The following FBN2 variants were observed in gnomAD, a reference collection of about 807,000 sequenced individuals.
FBN2 encodes fibrillin-2.
FBN2 carries 105 observed loss-of-function variants against 355.6 expected under a neutral mutation model. The ratio of observed to expected loss-of-function variants is 0.30; its 90% CI spans 0.25 to 0.35. FBN2 has a LOEUF of 0.35. Among genes scored for constraint, FBN2 ranks in the 10% least tolerant of loss-of-function variants. The probability of loss-of-function intolerance (pLI) is 1.00; values close to 1 mark genes in which losing one functional copy is unlikely to be tolerated. For synonymous variants in FBN2, 1,350 were observed against 1,301.2 expected (o/e 1.04, Z -0.81); for missense variants, 3,280 against 3,758.7 (o/e 0.87, Z 3.33).
chr5:128,308,441 T>C (rs1238524046), intron 41 of FBN2, among the ~76,000 whole-genome samples: 2 of 152,298 alleles, frequency 1.3e-5, no homozygotes, highest in East Asian at 3.9e-4. Flanking sequence ...CTCTCCTTAA[T>C]TTCATCAATA....
In FBN2 at chr5:128,305,617, A is replaced by T. The variant is rs1201284691; in HGVS notation, c.5568T>A (p.Asn1856Lys). 3.1e-6 allele frequency: 5 copies of T among 1,613,912 alleles called. No homozygotes were observed. The highest frequency in any genetic ancestry group is 4.2e-6 in the Non-Finnish European group (5 of 1,179,944). Residue 1856 changes from asparagine to lysine, a missense_variant, in exon 44 of 65, where the codon AAT becomes AAA. Physicochemically the swap from Asn to Lys is moderately conservative, Grantham distance 94. This residue lies in a region of FBN2 where 2,284 missense variants were observed against 2,749.5 expected (regional missense o/e 0.83). Transcript: ENST00000262464. ...LVCEDIDECS[N>K]GDNLCQRNAD... ...CATTCCGCTGGCAGAGATTATCACC[A>T]TTGCTGCACTCATCTATATCTGAAA...
In FBN2 at chr5:128,377,550, CAA is replaced by C. The variant is rs35072875; in HGVS notation, c.1849+200_1849+201del. Among the ~76,000 whole-genome samples, 180 of 143,288 alleles carry C rather than the reference CAA, an allele frequency of 1.3e-3. 3 individuals are homozygous for C. Among genetic ancestry groups the C allele is most frequent in the East Asian group, 5.7e-3 (29 of 5,046 alleles). 94.0% of individuals were successfully genotyped at this position (143,288 alleles called of 152,430 possible). On this transcript the variant is annotated intron_variant, in intron 13 of 64. Coordinates refer to ENST00000262464, the MANE Select transcript of FBN2 (RefSeq NM_001999.4). ...TATAACATCTCCTCCCCTCCACCAC[CAA>C]AAAAAAAAAACCAAAAAACAAACAA...
chr5:128,474,035 C>T (rs754507701), intron 5 of FBN2, among the ~76,000 whole-genome samples: 7 of 152,104 alleles, frequency 4.6e-5, no homozygotes, highest in Admixed American at 1.3e-4. Context: ...GAGGCCGTAA[C>T]GATAATTAGG....
intron 5 of FBN2, among the ~76,000 whole-genome samples, chr5:128,478,725 A>G (rs572630291): frequency 1.6e-4 from 24 of 152,304 alleles, no homozygotes; most frequent in African/African-American, 5.5e-4. Context: ...TATCAGTTCT[A>G]CAGAACACTA....
At chr5:128,288,591 T>A (rs760727229) in intron 52 of FBN2, 34 bp from the exon 53 acceptor site, 2 of 1,609,806 alleles carry the variant, frequency 1.2e-6, no homozygotes, top group Admixed American at 1.7e-5. Flanking sequence ...GCCACAAAGA[T>A]GTTTTAGTTT....
At position 128,408,743 on chromosome 5, in the gene FBN2, T is replaced by C; in HGVS notation, c.1009A>G (p.Thr337Ala). Residue 337 changes from threonine to alanine, a missense_variant, in exon 8 of 65, where the codon ACC becomes GCC. Transcript: ENST00000262464. Reference sequence around the variant, plus strand: ...CAAACACAAAAATAGCTTCCCACGGTGTTGGAACATTCACCAGTTTCACAT... The same window carrying C: ...CAAACACAAAAATAGCTTCCCACGGCGTTGGAACATTCACCAGTTTCACAT... ...GICETGECSN[T>A]VGSYFCVCPR... 1 of 1,613,840 alleles carries C rather than the reference T, an allele frequency of 6.2e-7. No homozygotes were observed. Among genetic ancestry groups the C allele is most frequent in the African/African-American group, 1.3e-5 (1 of 75,038 alleles).
intron 28 of FBN2, 114 bp downstream of exon 28, chr5:128,335,874 A>C: frequency 1.8e-6 from 2 of 1,122,526 alleles, no homozygotes; most frequent in Non-Finnish European, 1.3e-6. Flanking sequence ...CCCTAGTCTT[A>C]CATTCATTTT....
intron 2 of FBN2, among the ~76,000 whole-genome samples, 155 bp downstream of exon 2, chr5:128,536,247 C>T (rs1000293272): frequency 2.0e-5 from 3 of 152,162 alleles, no homozygotes; most frequent in Non-Finnish European, 4.4e-5. Context: ...TTGAGTCTTC[C>T]CCACTATTCA....
intron 36 of FBN2, among the ~76,000 whole-genome samples, chr5:128,315,950 T>C (rs998645617): frequency 6.6e-6 from 1 of 152,212 alleles, no homozygotes; most frequent in African/African-American, 2.4e-5. Flanking sequence ...GATGATTCAC[T>C]TCACCATCAC....
At chr5:128,397,831 C>T (rs916967025) in intron 8 of FBN2, among the ~76,000 whole-genome samples, 1 of 152,096 alleles carries the variant, frequency 6.6e-6, no homozygotes, top group African/African-American at 2.4e-5. Flanking sequence ...GATAGTTTCA[C>T]AGTGCCCGGG....
At chr5:128,276,927 C>T (rs2126807909) in intron 58 of FBN2, among the ~76,000 whole-genome samples, 1 of 152,288 alleles carries the variant, frequency 6.6e-6, no homozygotes, top group East Asian at 1.9e-4. Context: ...TTAGACCCTC[C>T]TTGAATTGTC....
At chr5:128,513,138 C>G (rs943471987) in intron 5 of FBN2, among the ~76,000 whole-genome samples, 3 of 152,176 alleles carry the variant, frequency 2.0e-5, no homozygotes, top group Non-Finnish European at 4.4e-5. Flanking sequence ...CACATTATTG[C>G]TTTTAATCTT....
In FBN2 at chr5:128,392,004, A is replaced by C; in HGVS notation, c.1603+14T>G. On this transcript the variant is annotated intron_variant, in intron 11 of 64. Coordinates refer to ENST00000262464, the MANE Select transcript of FBN2 (RefSeq NM_001999.4). ...AAAAAACTAAGAAGGATTATTAAAG[A>C]ATCACAAACTTACCTATACAATCTC... 6.2e-7 allele frequency: 1 copy of C among 1,611,870 alleles called. No homozygotes were observed. Among genetic ancestry groups the C allele is most frequent in the Non-Finnish European group, 8.5e-7 (1 of 1,178,072 alleles).
chr5:128,391,984 A>T, intron 11 of FBN2, 34 bp downstream of exon 11: 1 of 1,599,624 alleles, frequency 6.3e-7, no homozygotes. Flanking sequence ...TACTAAAAAA[A>T]CTAAGAAGGA....
intron 7 of FBN2, among the ~76,000 whole-genome samples, chr5:128,418,407 T>G (rs576746581): frequency 6.6e-6 from 1 of 152,286 alleles, no homozygotes; most frequent in African/African-American, 2.4e-5. Context: ...TTGTTCTTGC[T>G]TTTCTAGTTC....
At chr5:128,273,466 T>C (rs1310576418) in intron 61 of FBN2, among the ~76,000 whole-genome samples, 1 of 152,254 alleles carries the variant, frequency 6.6e-6, no homozygotes, top group Non-Finnish European at 1.5e-5. Context: ...TCTTTTTATA[T>C]TTAATTCTTA....
intron 5 of FBN2, among the ~76,000 whole-genome samples, chr5:128,500,427 A>ATT (rs1312943529): frequency 9.3e-6 from 1 of 107,538 alleles, no homozygotes; most frequent in African/African-American, 4.0e-5. Context: ...GACTCTGACA[A>ATT]TTCTTTTTTT....
rs547769591 is a variant in FBN2, at chr5:128,361,788, G to A, written c.2489C>T (p.Pro830Leu). 6.8e-6 allele frequency: 11 copies of A among 1,613,938 alleles called. No homozygotes were observed. Among genetic ancestry groups the A allele is most frequent in the Non-Finnish European group, 9.3e-6 (11 of 1,179,968 alleles). ...TGGGCACGTACAGCTGTAACTTCCT[G>A]GCGTGTTTCGGCACAATCCGTTATC... Reference protein sequence around the residue: ...LCDNGLCRNTPGSYSCTCPPG... With the variant: ...LCDNGLCRNTLGSYSCTCPPG... The change falls in exon 19 of 65, where the codon CCA (proline) becomes CTA (leucine). Residue 830 changes from proline to leucine, a missense_variant. By Grantham distance (98) the Pro-to-Leu change is moderately conservative. Transcript: ENST00000262464.
Position 128,394,092 on chromosome 5 carries a change from AT to A in FBN2, c.1232-725del, listed in dbSNP as rs536031470. On this transcript the variant is annotated intron_variant, in intron 9 of 64. Coordinates refer to ENST00000262464, the MANE Select transcript of FBN2 (RefSeq NM_001999.4). ...TTTTGTCTTACTAATAGATTTTGGT[AT>A]TTTATGACTTAGAGATTTTGTAAGA... Among the ~76,000 whole-genome samples, 110 of 152,286 alleles carry A rather than the reference AT, an allele frequency of 7.2e-4. No homozygotes were observed. The South Asian group carries it at 0.022, about 31-fold the overall frequency.
Sources: gnomAD v4.1 joint callset for allele counts (sites outside exome capture counted in the v4.1 genomes callset) on GRCh38, gnomAD v4.1.1 for gene constraint, gnomAD v4.1.1 regional missense constraint, MANE v1.5 for transcripts, NCBI Gene and HGNC (gene_info 2026-07-23, HGNC 2026-07-21) for gene names.